METTL21C: variants seen among roughly 807,000 people sequenced by gnomAD.
The protein encoded by METTL21C is methyltransferase 21C, AARS1 lysine.
METTL21C carries 21 observed loss-of-function variants against 25.9 expected under a neutral mutation model. That is an observed-to-expected ratio of 0.81 (90% CI 0.58 to 1.17). The LOEUF is 1.17. Among genes scored for constraint, METTL21C ranks in the 50% most tolerant of loss-of-function variants. The probability of loss-of-function intolerance (pLI) is 0.00; values close to 1 mark genes in which losing one functional copy is unlikely to be tolerated. For missense variants in METTL21C, 312 were observed against 315.1 expected, an observed-to-expected ratio of 0.99 and a Z score of 0.07; for synonymous variants, 125 against 124.7, an observed-to-expected ratio of 1.00 and a Z score of -0.01.
the METTL21C span, among the ~76,000 whole-genome samples, chr13:102,700,805 T>C: frequency 3.9e-3 from 593 of 152,224 alleles, 3 homozygotes; most frequent in African/African-American, 0.014. Context: ...GTTCCTGTTT[T>C]ACTGTGAGGC....
chr13:102,702,502 A>G, the METTL21C span, among the ~76,000 whole-genome samples: 1 of 152,236 alleles, frequency 6.6e-6, no homozygotes, highest in East Asian at 1.9e-4. Context: ...TTTTCCATAT[A>G]GAATATGCAA....
chr13:102,701,742 G>A, the METTL21C span, among the ~76,000 whole-genome samples: 1 of 152,162 alleles, frequency 6.6e-6, no homozygotes, highest in South Asian at 2.1e-4. Context: ...GCTGATAAAA[G>A]GGGAATTTGT....
chr13:102,690,478 G>A (rs532208936), intron 2 of METTL21C, among the ~76,000 whole-genome samples: 44 of 151,304 alleles, frequency 2.9e-4, no homozygotes, highest in Non-Finnish European at 5.4e-4. Context: ...GGCGTGGCTC[G>A]GAGATGCCCA....
chr13:102,688,852 G>C (rs1361346275), intron 2 of METTL21C, among the ~76,000 whole-genome samples: 3 of 116,794 alleles, frequency 2.6e-5, no homozygotes, highest in African/African-American at 9.4e-5. Flanking sequence ...TGTGTCTTTT[G>C]ACATTGCAAA....
intron 2 of METTL21C, among the ~76,000 whole-genome samples, chr13:102,689,518 G>A (rs1157678859): frequency 1.3e-5 from 2 of 152,172 alleles, no homozygotes; most frequent in Non-Finnish European, 2.9e-5. Flanking sequence ...CACTAACCAG[G>A]AATACTCAAT....
At chr13:102,698,090 G>A (rs1250314907), upstream of METTL21C, among the ~76,000 whole-genome samples, 1 of 152,200 alleles carries the variant, frequency 6.6e-6, no homozygotes, top group Non-Finnish European at 1.5e-5. Context: ...ATCAACAGGA[G>A]CAAGTGAAAT....
chr13:102,699,906 C>A (rs1886006742), upstream of METTL21C, among the ~76,000 whole-genome samples: 1 of 152,176 alleles, frequency 6.6e-6, no homozygotes, highest in African/African-American at 2.4e-5. Context: ...AGACTGAGGC[C>A]ACTTAGAACA....
chr13:102,702,964 A>G, the METTL21C span, among the ~76,000 whole-genome samples: 1 of 152,240 alleles, frequency 6.6e-6, no homozygotes, highest in East Asian at 1.9e-4. Flanking sequence ...CATTTGCTAT[A>G]TAACAATAAT....
chr13:102,701,537 C>A, the METTL21C span, among the ~76,000 whole-genome samples: 23 of 152,170 alleles, frequency 1.5e-4, no homozygotes, highest in Non-Finnish European at 2.5e-4. Flanking sequence ...ATGACCAAGA[C>A]AAACGTTTAG....
the METTL21C span, among the ~76,000 whole-genome samples, chr13:102,701,113 T>C: frequency 6.6e-6 from 1 of 151,940 alleles, no homozygotes; most frequent in Non-Finnish European, 1.5e-5. Flanking sequence ...CCTTCCCCTG[T>C]TCTAGGGGAA....
chr13:102,698,174 T>A (rs567272342), upstream of METTL21C, among the ~76,000 whole-genome samples: 3 of 152,294 alleles, frequency 2.0e-5, no homozygotes, highest in South Asian at 6.2e-4. Context: ...TCTCATATTA[T>A]CTTGTATGTT....
intron 2 of METTL21C, among the ~76,000 whole-genome samples, chr13:102,687,891 T>C (rs943863274): frequency 1.3e-5 from 2 of 152,214 alleles, no homozygotes; most frequent in African/African-American, 4.8e-5. Flanking sequence ...CACCTTCCTC[T>C]AACCTTTCCA....
the METTL21C span, among the ~76,000 whole-genome samples, chr13:102,701,798 T>C: frequency 1.3e-5 from 2 of 152,144 alleles, no homozygotes; most frequent in Admixed American, 1.3e-4. Context: ...AACTATATGA[T>C]CATCTTGAAA....
chr13:102,687,601 A>G (rs1885710266), intron 2 of METTL21C, among the ~76,000 whole-genome samples: 1 of 152,198 alleles, frequency 6.6e-6, no homozygotes, highest in Admixed American at 6.5e-5. Context: ...CTTCTAAGAA[A>G]CAGACAGTTC....
chr13:102,699,053 G>T (rs971745727), upstream of METTL21C, among the ~76,000 whole-genome samples: 1 of 152,164 alleles, frequency 6.6e-6, no homozygotes, highest in East Asian at 1.9e-4. Context: ...CCTATAGTCA[G>T]GGCTGGGTTG....
At chr13:102,702,637 G>T in the METTL21C span, among the ~76,000 whole-genome samples, 1 of 151,844 alleles carries the variant, frequency 6.6e-6, no homozygotes, top group African/African-American at 2.4e-5. Flanking sequence ...GCCCAGGCTG[G>T]AGTGCAATGG....
chr13:102,696,303 G>A (rs892412033), upstream of METTL21C, among the ~76,000 whole-genome samples: 1 of 151,932 alleles, frequency 6.6e-6, no homozygotes, highest in African/African-American at 2.4e-5. Context: ...TCATAAGTGG[G>A]AGTCGAACAA....
In METTL21C at chr13:102,686,333, G is replaced by A; in HGVS notation, c.493C>T (p.Pro165Ser). ...KNTLQCTAHL[P>S]EVKELVWGED... ...CCCCATACCAGTTCTTTCACTTCAG[G>A]CAGATGTGCTGTACATTGTAGTGTG... The change falls in exon 4 of 4, where the codon CCT (proline) becomes TCT (serine). Residue 165 changes from proline to serine, a missense_variant. Coordinates refer to ENST00000267273, the MANE Select transcript of METTL21C (RefSeq NM_001010977.3). 1.2e-6 allele frequency: 2 copies of A among 1,614,200 alleles called. No individual in the cohort carries two copies. Among genetic ancestry groups the A allele is most frequent in the South Asian group, 1.1e-5 (1 of 91,084 alleles).
chr13:102,693,057 T>C (rs1466147860), intron 1 of METTL21C, among the ~76,000 whole-genome samples: 1 of 151,778 alleles, frequency 6.6e-6, no homozygotes, highest in Non-Finnish European at 1.5e-5. Flanking sequence ...TGCTCTGGAG[T>C]AAATACTCCC....
Sources: gnomAD v4.1 joint callset for allele counts (sites outside exome capture counted in the v4.1 genomes callset) on GRCh38, gnomAD v4.1.1 for gene constraint, MANE v1.5 for transcripts, NCBI Gene and HGNC (gene_info 2026-07-23, HGNC 2026-07-21) for gene names.